The following NOTCH2 variants were observed in gnomAD, a reference collection of about 807,000 sequenced individuals.
NOTCH2 encodes the protein neurogenic locus notch homolog protein 2.
In NOTCH2, 29 loss-of-function variants were observed where a neutral mutation model predicts 235.8. The ratio of observed to expected loss-of-function variants is 0.12; its 90% CI spans 0.09 to 0.17. The LOEUF is 0.17. Among genes scored for constraint, NOTCH2 ranks in the 10% least tolerant of loss-of-function variants. The pLI is 1.00. For missense variants in NOTCH2, 2,285 were observed against 3,150.2 expected (o/e 0.73, Z 6.57); for synonymous variants, 1,086 against 1,141.5 (o/e 0.95, Z 0.98).
chr1:120,047,385 A>G (rs1316224058), intron 1 of NOTCH2, among the ~76,000 whole-genome samples: 1 of 60,328 alleles, frequency 1.7e-5, no homozygotes, highest in African/African-American at 8.2e-5. Context: ...CAAGGGCTAA[A>G]AAGTCAGACA....
intron 15 of NOTCH2, among the ~76,000 whole-genome samples, chr1:119,949,369 C>T (rs1440136995): frequency 6.6e-6 from 1 of 151,232 alleles, no homozygotes; most frequent in Non-Finnish European, 1.5e-5. Context: ...TGTAGTTTCC[C>T]TACACTACTA....
intron 12 of NOTCH2, among the ~76,000 whole-genome samples, chr1:119,956,174 T>A (rs1169732325): frequency 6.6e-6 from 1 of 152,206 alleles, no homozygotes. Flanking sequence ...TTAGGCTGAA[T>A]AAAGTAATAC....
intron 4 of NOTCH2, chr1:119,994,527 TATACACACACACACACAC>T (rs1652360241): frequency 2.6e-4 from 26 of 101,530 alleles, no homozygotes; most frequent in Middle Eastern, 9.4e-3. Context: ...GCCATATATA[TATACACACACACACACAC>T]ACACACACAC....
chr1:119,945,750 T>A (rs750284011), intron 17 of NOTCH2, among the ~76,000 whole-genome samples: 10 of 151,980 alleles, frequency 6.6e-5, no homozygotes. Context: ...GAGAAACAGA[T>A]GAATATACAA....
At position 119,974,077 on chromosome 1, in the gene NOTCH2, G is replaced by A. The variant is rs1160418923; in HGVS notation, c.875-4333C>T. On this transcript the variant is annotated intron_variant, in intron 5 of 33. Transcript: ENST00000256646. ...TGACTTTATGTTAGTAGGGAAAGCA[G>A]GAGAGAGCACTAAGTTATAGGCTAC... Among the ~76,000 whole-genome samples the A allele has an allele frequency of 2.6e-5, 4 of 152,212 alleles. No homozygotes were observed. The East Asian group carries it at 7.7e-4, about 29-fold the overall frequency.
rs61756000 is a variant in NOTCH2 at position 119,929,018 on chromosome 1, G to C, written c.3850C>G (p.Leu1284Val). 5 of 1,614,042 alleles carry C rather than the reference G, an allele frequency of 3.1e-6. No homozygotes were observed. In the African/African-American group the frequency reaches 6.7e-5, roughly 22 times the overall value. Reference sequence around the variant, plus strand: ...CAAACACACAGGTAGTCATTGGTGAGCTGTATACAGTCCAGGCTGCCCTCA... The same window carrying C: ...CAAACACACAGGTAGTCATTGGTGACCTGTATACAGTCCAGGCTGCCCTCA... The part of the protein sequence containing the change: ...SSEGSLDCIQ[L>V]TNDYLCVCRS... Residue 1284 changes from leucine to valine, a missense_variant, in exon 23 of 34, where the codon CTC becomes GTC. Transcript: ENST00000256646.
chr1:119,985,159 T>C (rs1553202076), intron 5 of NOTCH2, among the ~76,000 whole-genome samples: 1 of 152,028 alleles, frequency 6.6e-6, no homozygotes, highest in Non-Finnish European at 1.5e-5. Context: ...ATCTTAGACT[T>C]TCTCCTGTTG....
At chr1:119,987,286 T>C (rs587709829) in intron 4 of NOTCH2, among the ~76,000 whole-genome samples, 22 of 152,262 alleles carry the variant, frequency 1.4e-4, no homozygotes, top group Non-Finnish European at 2.8e-4. Context: ...AAGTGACTCA[T>C]TGTGCCAATG....
chr1:120,069,413 G>C lies in NOTCH2; in HGVS notation c.-7C>G. On this transcript the variant is annotated 5_prime_UTR_variant, in exon 1 of 34. Coordinates refer to ENST00000256646, the MANE Select transcript of NOTCH2 (RefSeq NM_024408.4). The stretch of plus-strand genomic sequence containing the variant: ...CGGGGCGCAGGGCGGGCATCTTCTC[G>C]GTCGCCTCCTCCTCCGCCGCCGCCG... The C allele has an allele frequency of 3.2e-6, 5 of 1,542,316 alleles. No homozygotes were observed. Among genetic ancestry groups the C allele is most frequent in the East Asian group, 2.4e-5 (1 of 41,240 alleles).
At chr1:120,042,335 C>G (rs1376207827) in intron 1 of NOTCH2, among the ~76,000 whole-genome samples, 1 of 88,030 alleles carries the variant, frequency 1.1e-5, no homozygotes, top group Non-Finnish European at 2.0e-5. Context: ...GTAACAATGA[C>G]CTGGCACAGG....
intron 5 of NOTCH2, among the ~76,000 whole-genome samples, 192 bp from the exon 6 acceptor site, chr1:119,969,936 C>A (rs587755810): frequency 1.2e-4 from 18 of 152,090 alleles, no homozygotes; most frequent in Middle Eastern, 3.2e-3. Context: ...CCAGGCAAAT[C>A]GTTTCAAGAT....
intron 7 of NOTCH2, among the ~76,000 whole-genome samples, chr1:119,967,859 T>C (rs1651204434): frequency 6.6e-6 from 1 of 152,220 alleles, no homozygotes; most frequent in Admixed American, 6.5e-5. Context: ...GGCTTTATAT[T>C]AAGAATCAAG....
chr1:120,003,679 A>C (rs1357372216), intron 3 of NOTCH2, among the ~76,000 whole-genome samples: 1 of 152,012 alleles, frequency 6.6e-6, no homozygotes, highest in African/African-American at 2.4e-5. Context: ...AAAAACCCAC[A>C]ATCTATTCAG....
At chr1:119,928,827 GA>G (rs1288782827) in intron 23 of NOTCH2, 148 bp downstream of exon 23, 1 of 700,642 alleles carries the variant, frequency 1.4e-6, no homozygotes, top group African/African-American at 1.8e-5. Context: ...TACAGACTAA[GA>G]AAAAACTGGC....
intron 5 of NOTCH2, among the ~76,000 whole-genome samples, chr1:119,973,251 T>G (rs1193888572): frequency 1.3e-5 from 2 of 152,182 alleles, no homozygotes; most frequent in African/African-American, 4.8e-5. Context: ...ATTTTCTCCC[T>G]ATTAAAATTC....
chr1:119,926,665 G>A, intron 23 of NOTCH2, 54 bp from the exon 24 acceptor site: 1 of 1,436,402 alleles, frequency 7.0e-7, no homozygotes, highest in South Asian at 1.2e-5. Flanking sequence ...GTCACTGCAA[G>A]TTACTCAACA....
chr1:120,047,632 C>A (rs1654832750), intron 1 of NOTCH2, among the ~76,000 whole-genome samples: 1 of 139,600 alleles, frequency 7.2e-6, no homozygotes, highest in Non-Finnish European at 1.5e-5. Context: ...TGTGGTAAGC[C>A]AACATCGCAC....
intron 1 of NOTCH2, 68 bp downstream of exon 1, chr1:120,069,266 G>T (rs1655655581): frequency 1.3e-6 from 2 of 1,526,664 alleles, no homozygotes; most frequent in Non-Finnish European, 1.7e-6. Context: ...AAGGACCGAG[G>T]GGGAGAAGGG....
rs587771960 is a variant in NOTCH2, at chr1:120,010,061, TTTAA to T, written c.156-4477_156-4474del. ...AGAGGAGATCATCTTCCCAAGAAAC[TTTAA>T]TTATTCAATTTTTCTAAGGCTTCCA... On this transcript the variant is annotated intron_variant, in intron 2 of 33. Coordinates refer to ENST00000256646, the MANE Select transcript of NOTCH2 (RefSeq NM_024408.4). Among the ~76,000 whole-genome samples the T allele has an allele frequency of 1.8e-4, 27 of 152,304 alleles. No individual in the cohort carries two copies. The East Asian group carries it at 5.2e-3, about 29-fold the overall frequency.
Sources: allele counts gnomAD v4.1 joint callset (sites outside exome capture counted in the v4.1 genomes callset), GRCh38; gene constraint gnomAD v4.1.1; transcripts MANE v1.5; gene names NCBI Gene and HGNC (gene_info 2026-07-23, HGNC 2026-07-21).